Variants in NDUFAF6 observed in about 807,000 individuals in gnomAD.
The protein encoded by NDUFAF6 is NADH dehydrogenase (ubiquinone) complex I, assembly factor 6.
A neutral mutation model predicts 40.8 loss-of-function variants in NDUFAF6; 45 were observed. That is an observed-to-expected ratio of 1.10 (90% CI 0.87 to 1.42). The LOEUF (loss-of-function observed/expected upper bound fraction) is 1.42. Ranked by LOEUF, NDUFAF6 falls within the 40% of genes most tolerant of loss-of-function variation. NDUFAF6 has a pLI of 0.00. For missense variants in NDUFAF6, 435 were observed against 418.5 expected, an observed-to-expected ratio of 1.04 and a Z score of -0.34; for synonymous variants, 185 against 155.9, an observed-to-expected ratio of 1.19 and a Z score of -1.39.
At position 94,966,977 on chromosome 8, in the gene NDUFAF6, C is replaced by G. The variant is rs1323526417; in HGVS notation, c.-199+8798C>G. Among the ~76,000 whole-genome samples, 3 of 152,056 alleles carry G rather than the reference C, an allele frequency of 2.0e-5. No homozygotes were observed. In the South Asian group the frequency reaches 6.2e-4, roughly 32 times the overall value. On this transcript the variant is annotated intron_variant, in intron 1 of 9. Transcript: ENST00000396111. Reference sequence around the variant, plus strand: ...CTGGAAATGCAGTTCTTAGCTAGGCCCCTCACTGCACCAACTAAATCAGGT... The same window carrying G: ...CTGGAAATGCAGTTCTTAGCTAGGCGCCTCACTGCACCAACTAAATCAGGT...
rs1288731667 is a variant in NDUFAF6, at chr8:95,111,345, TCA to T, written n.345-4188_345-4187del. Among the ~76,000 whole-genome samples, 6 of 152,270 alleles carry T rather than the reference TCA, an allele frequency of 3.9e-5. No homozygotes were observed. In the East Asian group the frequency reaches 1.2e-3, roughly 29 times the overall value. The stretch of plus-strand genomic sequence containing the variant: ...CAAGTTGGAATACACTTCACAAACA[TCA>T]CAGAAAATATAAAACTCTATTCAAA... On this transcript the variant is annotated intron_variant and non_coding_transcript_variant, in intron 4 of 5. Coordinates refer to the NDUFAF6 transcript ENST00000523184.
intron 2 of NDUFAF6, among the ~76,000 whole-genome samples, chr8:95,012,452 A>G (rs1827263449): frequency 6.6e-6 from 1 of 152,196 alleles, no homozygotes. Context: ...CACAGCTAAT[A>G]CATCTCAATA....
At chr8:95,049,892 G>T (rs903770137) in intron 7 of NDUFAF6, among the ~76,000 whole-genome samples, 1 of 152,182 alleles carries the variant, frequency 6.6e-6, no homozygotes, top group Non-Finnish European at 1.5e-5. Flanking sequence ...AGCATCTAAA[G>T]TACCTGGTAC....
intron 1 of NDUFAF6, among the ~76,000 whole-genome samples, chr8:94,964,575 T>C (rs1464689114): frequency 6.6e-6 from 1 of 152,138 alleles, no homozygotes; most frequent in East Asian, 1.9e-4. Context: ...CTTTTGCTCA[T>C]GGCAGAAGGC....
chr8:94,902,552 CAG>C (rs1190400868), intron 1 of NDUFAF6, among the ~76,000 whole-genome samples: 1 of 152,076 alleles, frequency 6.6e-6, no homozygotes, highest in Non-Finnish European at 1.5e-5. Context: ...TTGAATGTAT[CAG>C]TACTTTGCTC....
intron 2 of NDUFAF6, among the ~76,000 whole-genome samples, chr8:94,992,273 A>T (rs1357846046): frequency 6.6e-6 from 1 of 152,168 alleles, no homozygotes; most frequent in Non-Finnish European, 1.5e-5. Context: ...AGATCACCTG[A>T]GGTCAGAGTT....
At chr8:95,044,336 A>G (rs1830480337) in intron 4 of NDUFAF6, 1 of 152,206 alleles carries the variant, frequency 6.6e-6, no homozygotes, top group African/African-American at 2.4e-5. Flanking sequence ...GTATATACTA[A>G]AAACCACTGA....
chr8:95,093,175 G>C (rs1809326375), intron 2 of NDUFAF6, among the ~76,000 whole-genome samples: 1 of 152,124 alleles, frequency 6.6e-6, no homozygotes, highest in Non-Finnish European at 1.5e-5. Flanking sequence ...GTCCGCCTTG[G>C]TGGATTTGCA....
At chr8:94,912,401 C>T (rs2131228464) in intron 1 of NDUFAF6, among the ~76,000 whole-genome samples, 1 of 152,208 alleles carries the variant, frequency 6.6e-6, no homozygotes, top group African/African-American at 2.4e-5. Context: ...CACATAAAAG[C>T]CCTGGCAGGG....
chr8:94,946,347 T>A (rs1052725043), intron 2 of NDUFAF6, among the ~76,000 whole-genome samples: 5 of 152,112 alleles, frequency 3.3e-5, no homozygotes, highest in African/African-American at 1.2e-4. Context: ...CTTGTTAGCA[T>A]AATTTATTTT....
intron 1 of NDUFAF6, among the ~76,000 whole-genome samples, chr8:94,921,366 T>C (rs746345719): frequency 6.6e-6 from 1 of 152,200 alleles, no homozygotes; most frequent in Non-Finnish European, 1.5e-5. Flanking sequence ...GACTGGGGCA[T>C]AGTCCTATCC....
upstream of NDUFAF6, among the ~76,000 whole-genome samples, chr8:95,099,752 C>G (rs1375563219): frequency 2.6e-5 from 4 of 152,202 alleles, no homozygotes; most frequent in African/African-American, 9.6e-5. Context: ...CTTCAGCCTT[C>G]ATCTTACCGG....
chr8:95,004,571 C>G (rs1019958241), intron 2 of NDUFAF6, among the ~76,000 whole-genome samples: 1 of 151,950 alleles, frequency 6.6e-6, no homozygotes, highest in African/African-American at 2.4e-5. Context: ...GCTGGTCTTT[C>G]ACTCCTGGGC....
chr8:95,057,765 T>G (rs745347890), intron 8 of NDUFAF6, 44 bp from the exon 9 acceptor site: 1 of 1,446,690 alleles, frequency 6.9e-7, no homozygotes, highest in Non-Finnish European at 9.6e-7. Flanking sequence ...TTTTTAAGTC[T>G]TGATCATTTT....
At chr8:95,080,185 A>AT (rs1476014681), downstream of NDUFAF6, among the ~76,000 whole-genome samples, 1 of 136,732 alleles carries the variant, frequency 7.3e-6, no homozygotes, top group Non-Finnish European at 1.6e-5. Context: ...TTTGTAGCGT[A>AT]TTTTTTGTAG....
At chr8:94,930,544 G>A in intron 1 of NDUFAF6, 3 of 1,614,214 alleles carry the variant, frequency 1.9e-6, no homozygotes, top group East Asian at 2.2e-5. Flanking sequence ...ACTTGCCGAG[G>A]GTGGCAATCC....
chr8:94,931,652 AAACT>A (rs1461021165), intron 1 of NDUFAF6, among the ~76,000 whole-genome samples: 1 of 152,062 alleles, frequency 6.6e-6, no homozygotes, highest in Non-Finnish European at 1.5e-5. Context: ...CCACAATAAG[AAACT>A]AATAGAAAAA....
chr8:95,054,998 G>A (rs574016145), intron 8 of NDUFAF6, among the ~76,000 whole-genome samples: 1 of 152,302 alleles, frequency 6.6e-6, no homozygotes, highest in Admixed American at 6.5e-5. Flanking sequence ...ATGTCTTTGA[G>A]AGTTTCACAA....
At chr8:94,991,609 T>C (rs1172742139) in intron 2 of NDUFAF6, among the ~76,000 whole-genome samples, 1 of 152,126 alleles carries the variant, frequency 6.6e-6, no homozygotes, top group Non-Finnish European at 1.5e-5. Flanking sequence ...TCCTTTTCTC[T>C]AGATAATTTT....
Sources: gnomAD v4.1 joint callset for allele counts (sites outside exome capture counted in the v4.1 genomes callset) on GRCh38, gnomAD v4.1.1 for gene constraint, MANE v1.5 for transcripts, NCBI Gene and HGNC (gene_info 2026-07-23, HGNC 2026-07-21) for gene names.